JAKMIP1: variants seen among roughly 807,000 people sequenced by gnomAD.
JAKMIP1 encodes janus kinase and microtubule interacting protein 1, also known as janus kinase and microtubule-interacting protein 1.
Under a neutral mutation model 113.0 loss-of-function variants are expected in JAKMIP1, and 33 were observed. The ratio of observed to expected loss-of-function variants is 0.29; its 90% CI spans 0.22 to 0.39. The LOEUF (loss-of-function observed/expected upper bound fraction) is 0.39. Ranked by LOEUF, JAKMIP1 falls within the 10% of genes least tolerant of loss-of-function variation. JAKMIP1 has a pLI of 1.00. For missense variants in JAKMIP1, 813 were observed against 1,080.5 expected, an observed-to-expected ratio of 0.75 and a Z score of 3.47; for synonymous variants, 480 against 459.9, an observed-to-expected ratio of 1.04 and a Z score of -0.56.
In JAKMIP1 at chr4:6,126,596, AAC is replaced by A. The variant is rs201384695; in HGVS notation, c.-147-13601_-147-13600del. ...CTCACACGCACACACACCATGCAGA[AAC>A]ACACACACCATGCAGAAACACACAC... is the stretch of plus-strand genomic sequence containing the variant. On this transcript the variant is annotated intron_variant, in intron 1 of 20. Transcript: ENST00000409021. Among the ~76,000 whole-genome samples, 8 of 134,220 alleles carry A rather than the reference AAC, an allele frequency of 6.0e-5. No individual in the cohort carries two copies. The South Asian group carries it at 1.8e-3, about 30-fold the overall frequency. 88.1% of individuals were successfully genotyped at this position (134,220 alleles called of 152,430 possible). A position where few individuals can be genotyped will look rare whatever the true frequency, so the allele number is the denominator to read the frequency against.
In JAKMIP1 at chr4:6,156,466, G is replaced by C. The variant is rs1722251735; in HGVS notation, c.-147-43469C>G. 6.6e-6 allele frequency among the ~76,000 whole-genome samples: 1 copy of C among 152,144 alleles called. No individual in the cohort carries two copies. The highest frequency in any genetic ancestry group is 2.4e-5 in the African/African-American group (1 of 41,442). On this transcript the variant is annotated intron_variant, in intron 1 of 20. Transcript: ENST00000409021. This position sits in a 1 kb window ranked among gnomAD's most constrained non-coding sequence, Gnocchi z 5.0. ...AATTCTGATTTAAAAGTTTAAATTA[G>C]CTGCCAACACAGCTAACAGATTGTT... is the stretch of plus-strand genomic sequence containing the variant.
At chr4:6,127,242 A>C (rs1437153997) in intron 1 of JAKMIP1, among the ~76,000 whole-genome samples, 1 of 152,192 alleles carries the variant, frequency 6.6e-6, no homozygotes, top group African/African-American at 2.4e-5. Context: ...GACCCATCTG[A>C]GCCACAGCAA....
chr4:6,048,900 A>T lies in JAKMIP1; in HGVS notation c.1985T>A (p.Val662Asp). The change falls in exon 16 of 21, where the codon GTT (valine) becomes GAT (aspartate). Residue 662 changes from valine to aspartate, a missense_variant. Around this residue, in one of 2 missense-constraint regions of JAKMIP1, gnomAD observed 273 missense variants for 426.6 expected, o/e 0.64. Transcript: ENST00000409021. ...CACAGTTCCAGCTTGGATTATTGCA[A>T]CCTGTTCTTCATTTCTCAAATTCTA... The part of the protein sequence containing the change: ...DNGNLRNEEQ[V>D]AIIQAGTVLA... 1 of 1,613,956 alleles carries T rather than the reference A, an allele frequency of 6.2e-7. No homozygotes were observed. The highest frequency in any genetic ancestry group is 8.5e-7 in the Non-Finnish European group (1 of 1,179,848).
At chr4:6,085,715 A>G in intron 3 of JAKMIP1, 86 bp from the exon 4 acceptor site, 1 of 1,270,282 alleles carries the variant, frequency 7.9e-7, no homozygotes, top group Non-Finnish European at 1.1e-6. Flanking sequence ...CGGCCCAGGG[A>G]AAGGTCAAAG....
In JAKMIP1 at chr4:6,081,223, G is replaced by C. The variant is rs1370191020; in HGVS notation, c.1101+386C>G. Among the ~76,000 whole-genome samples, 1 of 152,228 alleles carries C rather than the reference G, an allele frequency of 6.6e-6. No individual in the cohort carries two copies. Among genetic ancestry groups the C allele is most frequent in the African/African-American group, 2.4e-5 (1 of 41,460 alleles). ...CTGCAGAGCATCGCCAGCGATCATT[G>C]TAACAGCTTTCACTTGCTGGGTGTC... On this transcript the variant is annotated intron_variant, in intron 6 of 20. Transcript: ENST00000409021. This position sits in a 1 kb window ranked among gnomAD's most constrained non-coding sequence, Gnocchi z 4.6.
rs147120222 is a variant in JAKMIP1, at chr4:6,051,120, A to G, written c.1807-441T>C. On this transcript the variant is annotated intron_variant, in intron 13 of 20. Transcript: ENST00000409021. This position sits in a 1 kb window ranked among gnomAD's most constrained non-coding sequence, Gnocchi z 5.0. ...GGCAGGCTCATTGCTTTCATTCTGT[A>G]GACAAAGAGAAGGTGGTGGCCCAGG... 8.8e-4 allele frequency among the ~76,000 whole-genome samples: 134 copies of G among 152,324 alleles called. 1 individual carries two copies. Among genetic ancestry groups the G allele is most frequent in the African/African-American group, 3.1e-3 (128 of 41,566 alleles).
intron 1 of JAKMIP1, among the ~76,000 whole-genome samples, chr4:6,115,629 CTCT>C (rs1374231412): frequency 2.0e-5 from 3 of 152,204 alleles, no homozygotes; most frequent in African/African-American, 7.2e-5. Context: ...GATATCTATT[CTCT>C]TCTTTAGACT....
At chr4:6,029,626 T>G in intron 20 of JAKMIP1, 90 bp downstream of exon 20, 1 of 847,614 alleles carries the variant, frequency 1.2e-6, no homozygotes, top group South Asian at 1.5e-5. Flanking sequence ...GGAGACAGAG[T>G]CTATGCTTTG....
chr4:6,042,331 G>T lies in JAKMIP1; in HGVS notation c.2029-104C>A. 1 of 917,324 alleles carries T rather than the reference G, an allele frequency of 1.1e-6. No homozygotes were observed. Among genetic ancestry groups the T allele is most frequent in the Non-Finnish European group, 1.8e-6 (1 of 564,346 alleles). The allele number at this position is 917,324 out of a possible 1,614,324, so 56.8% of individuals were successfully genotyped here. A position where few individuals can be genotyped will look rare whatever the true frequency, so the allele number is the denominator to read the frequency against. On this transcript the variant is annotated intron_variant, in intron 16 of 20. Transcript: ENST00000409021. This position sits in a 1 kb window ranked among gnomAD's most constrained non-coding sequence, Gnocchi z 5.2. Reference sequence around the variant, plus strand: ...TGAATTTCATAGATCGGCTTCCTCAGAGTGTGCTCAGGAATGGGTCAGGTC... The same window carrying T: ...TGAATTTCATAGATCGGCTTCCTCATAGTGTGCTCAGGAATGGGTCAGGTC...
chr4:6,057,775 T>G (rs1396416581), intron 11 of JAKMIP1, among the ~76,000 whole-genome samples: 1 of 152,240 alleles, frequency 6.6e-6, no homozygotes, highest in East Asian at 1.9e-4. Flanking sequence ...GGCTGGGCCA[T>G]GCCATGCTCT....
Position 6,140,268 on chromosome 4 carries a change from T to G in JAKMIP1, c.-147-27271A>C, listed in dbSNP as rs1364082520. Among the ~76,000 whole-genome samples, 2 of 150,190 alleles carry G rather than the reference T, an allele frequency of 1.3e-5. No homozygotes were observed. Among genetic ancestry groups the G allele is most frequent in the Non-Finnish European group, 3.0e-5 (2 of 67,614 alleles). On this transcript the variant is annotated intron_variant, in intron 1 of 20. Transcript: ENST00000409021. This position sits in a 1 kb window ranked among gnomAD's most constrained non-coding sequence, Gnocchi z 9.4. The stretch of plus-strand genomic sequence containing the variant: ...TTTTCCTCTTTTTTTTTTTTTTTTC[T>G]GTGGGGAGGGACTTTCACCAACATT...
At chr4:6,119,087 G>C (rs1046742307) in intron 1 of JAKMIP1, among the ~76,000 whole-genome samples, 4 of 152,166 alleles carry the variant, frequency 2.6e-5, no homozygotes, top group Non-Finnish European at 5.9e-5. Flanking sequence ...GCTGGAGCGG[G>C]GAAGGACTGA....
intron 1 of JAKMIP1, among the ~76,000 whole-genome samples, chr4:6,147,848 A>G (rs1433588024): frequency 6.6e-6 from 1 of 152,240 alleles, no homozygotes; most frequent in African/African-American, 2.4e-5. Context: ...CTGGCCTCAC[A>G]GGGCTGGCAT....
chr4:6,090,041 G>A (rs1224006153), intron 3 of JAKMIP1, among the ~76,000 whole-genome samples: 2 of 152,066 alleles, frequency 1.3e-5, no homozygotes, highest in African/African-American at 4.8e-5. Flanking sequence ...GGCCAACATG[G>A]TGAAACTCTG....
At chr4:6,145,255 A>G (rs921993921) in intron 1 of JAKMIP1, among the ~76,000 whole-genome samples, 1 of 152,184 alleles carries the variant, frequency 6.6e-6, no homozygotes, top group South Asian at 2.1e-4. Flanking sequence ...CTTTCCATGC[A>G]GCATCTCCTT....
At chr4:6,079,047 CA>C in intron 7 of JAKMIP1, 49 bp from the exon 8 acceptor site, 3 of 1,605,156 alleles carry the variant, frequency 1.9e-6, no homozygotes, top group Non-Finnish European at 2.6e-6. Flanking sequence ...TCACATCTCA[CA>C]AACCAAAGCC....
At position 6,049,279 on chromosome 4, in the gene JAKMIP1, G is replaced by T. The variant is rs1388951245; in HGVS notation, c.1963-357C>A. On this transcript the variant is annotated intron_variant, in intron 15 of 20. Coordinates refer to ENST00000409021, the MANE Select transcript of JAKMIP1 (RefSeq NM_001099433.2). This position sits in a 1 kb window ranked among gnomAD's most constrained non-coding sequence, Gnocchi z 7.0. ...TCGAACTCCTGACCTCAGGTGATCC[G>T]CCAGCCTCAGCCTTCCAAAGTGCTG... Among the ~76,000 whole-genome samples, 1 of 152,118 alleles carries T rather than the reference G, an allele frequency of 6.6e-6. No individual in the cohort carries two copies. The highest frequency in any genetic ancestry group is 1.5e-5 in the Non-Finnish European group (1 of 68,012).
At chr4:6,121,363 C>T (rs1006730255) in intron 1 of JAKMIP1, among the ~76,000 whole-genome samples, 1 of 152,142 alleles carries the variant, frequency 6.6e-6, no homozygotes, top group Non-Finnish European at 1.5e-5. Context: ...GTCAAATGGT[C>T]CTCAGTGTTC....
At chr4:6,174,454 G>A (rs6829512) in intron 1 of JAKMIP1, among the ~76,000 whole-genome samples, 6,816 of 152,276 alleles carry the variant, frequency 0.045, 510 homozygotes, top group African/African-American at 0.15. Flanking sequence ...CCTGGTCTTC[G>A]GCTCCGTGTT....
Sources: allele counts gnomAD v4.1 joint callset (sites outside exome capture counted in the v4.1 genomes callset), GRCh38; gene constraint gnomAD v4.1.1; regional missense constraint gnomAD v4.1.1; non-coding constraint Gnocchi (gnomAD v3.1); transcripts MANE v1.5; gene names NCBI Gene and HGNC (gene_info 2026-07-23, HGNC 2026-07-21).